Variants in ZNG1E observed in about 807,000 individuals in gnomAD.
ZNG1E encodes the protein zinc-regulated GTPase metalloprotein activator 1E.
At chr9:65,717,560 C>T in the ZNG1E span, among the ~76,000 whole-genome samples, 5 of 149,760 alleles carry the variant, frequency 3.3e-5, no homozygotes, top group Non-Finnish European at 5.9e-5. Context: ...TCCTCCGTGT[C>T]TGGATTAGAA....
the ZNG1E span, among the ~76,000 whole-genome samples, chr9:65,685,301 ATAATGAAGTTTGCTGCAT>A: frequency 6.6e-6 from 1 of 152,274 alleles, no homozygotes; most frequent in Non-Finnish European, 1.5e-5. Flanking sequence ...TCATAAGATA[ATAATGAAGTTTGCTGCAT>A]TAGTTGACTC....
At chr9:65,716,544 G>T in the ZNG1E span, among the ~76,000 whole-genome samples, 2 of 146,124 alleles carry the variant, frequency 1.4e-5, no homozygotes, top group South Asian at 4.3e-4. Context: ...CCTTCAGTCT[G>T]TGGTATTGTT....
At chr9:65,678,068 T>C in the ZNG1E span, among the ~76,000 whole-genome samples, 1 of 151,526 alleles carries the variant, frequency 6.6e-6, no homozygotes, top group Non-Finnish European at 1.5e-5. Flanking sequence ...TTAGAAACCT[T>C]TGAATGAATG....
At chr9:65,706,148 G>A in the ZNG1E span, among the ~76,000 whole-genome samples, 20 of 134,588 alleles carry the variant, frequency 1.5e-4, no homozygotes, top group South Asian at 7.4e-4. Context: ...CACCCTGTTT[G>A]TGAGACTCAC....
chr9:65,725,631 T>TA, the ZNG1E span, among the ~76,000 whole-genome samples: 2 of 106,874 alleles, frequency 1.9e-5, no homozygotes, highest in South Asian at 6.7e-4. Context: ...GTATGTATAT[T>TA]ACCACATTTA....
At chr9:65,663,684 ATCAGTAGAATT>A in the ZNG1E span, among the ~76,000 whole-genome samples, 1 of 151,596 alleles carries the variant, frequency 6.6e-6, no homozygotes, top group Admixed American at 6.6e-5. Flanking sequence ...ATAAATCCCT[ATCAGTAGAATT>A]TCAAAAGGTA....
At chr9:65,711,130 G>A in the ZNG1E span, among the ~76,000 whole-genome samples, 10 of 49,538 alleles carry the variant, frequency 2.0e-4, no homozygotes, top group Non-Finnish European at 3.3e-4. Flanking sequence ...GTGAATGGGA[G>A]TTCACTCATG....
the ZNG1E span, chr9:65,681,455 A>C: frequency 6.2e-7 from 1 of 1,600,120 alleles, no homozygotes; most frequent in Non-Finnish European, 8.5e-7. Context: ...AAAATGAAAG[A>C]ATATAAGTTA....
the ZNG1E span, among the ~76,000 whole-genome samples, chr9:65,729,429 TAA>T: frequency 2.5e-5 from 2 of 79,852 alleles, no homozygotes; most frequent in East Asian, 5.7e-4. Context: ...ATAAAAATTC[TAA>T]AAGATACCAT....
chr9:65,710,620 C>G, the ZNG1E span, among the ~76,000 whole-genome samples: 1 of 152,072 alleles, frequency 6.6e-6, no homozygotes, highest in Non-Finnish European at 1.5e-5. Context: ...GAATCCTTTC[C>G]CCACTGCTTG....
At chr9:65,663,224 T>C in the ZNG1E span, among the ~76,000 whole-genome samples, 1 of 152,256 alleles carries the variant, frequency 6.6e-6, no homozygotes, top group Non-Finnish European at 1.5e-5. Context: ...TTATTTAATC[T>C]CCCAGGAATG....
At chr9:65,665,343 A>G in the ZNG1E span, among the ~76,000 whole-genome samples, 1 of 152,280 alleles carries the variant, frequency 6.6e-6, no homozygotes, top group Non-Finnish European at 1.5e-5. Flanking sequence ...CATGAATGAA[A>G]GGAGCCAAAG....
At chr9:65,709,335 G>A in the ZNG1E span, among the ~76,000 whole-genome samples, 2 of 149,086 alleles carry the variant, frequency 1.3e-5, no homozygotes, top group Admixed American at 6.7e-5. Flanking sequence ...TTTTTCTTGA[G>A]TTTTTTTTTA....
chr9:65,698,918 G>T, the ZNG1E span, among the ~76,000 whole-genome samples: 2 of 141,506 alleles, frequency 1.4e-5, no homozygotes, highest in South Asian at 2.2e-4. Context: ...ATTATTTTTT[G>T]AGACAGAATC....
At chr9:65,683,997 T>G in the ZNG1E span, among the ~76,000 whole-genome samples, 3 of 152,288 alleles carry the variant, frequency 2.0e-5, no homozygotes, top group African/African-American at 7.2e-5. Context: ...GACAAAAACT[T>G]GACACTTTTG....
chr9:65,658,030 C>T, the ZNG1E span, among the ~76,000 whole-genome samples: 10 of 151,252 alleles, frequency 6.6e-5, no homozygotes, highest in African/African-American at 1.7e-4. Flanking sequence ...ACCTGGGAGG[C>T]GGAGGTTGCA....
the ZNG1E span, among the ~76,000 whole-genome samples, chr9:65,677,580 G>A: frequency 8.2e-3 from 1,230 of 149,962 alleles, no homozygotes; most frequent in African/African-American, 0.029. Flanking sequence ...TACTCCAAAA[G>A]CCTCCTGACT....
the ZNG1E span, among the ~76,000 whole-genome samples, chr9:65,717,984 G>A: frequency 6.9e-6 from 1 of 144,198 alleles, no homozygotes; most frequent in Non-Finnish European, 1.5e-5. Flanking sequence ...ACCACACTTG[G>A]CCTTTTCTTT....
chr9:65,681,437 G>A, the ZNG1E span: 3 of 1,601,366 alleles, frequency 1.9e-6, no homozygotes, highest in African/African-American at 2.7e-5. Context: ...TATCAAGGCT[G>A]CATGAATAAA....
Sources: gnomAD v4.1 joint callset for allele counts (sites outside exome capture counted in the v4.1 genomes callset) on GRCh38, gnomAD v4.1.1 for gene constraint, MANE v1.5 for transcripts, NCBI Gene and HGNC (gene_info 2026-07-23, HGNC 2026-07-21) for gene names.